Variants in GALNT10 observed in about 807,000 individuals in gnomAD.
GALNT10 encodes GalNAc transferase 10.
Under a neutral mutation model 75.0 loss-of-function variants are expected in GALNT10, and 41 were observed. The observed-to-expected ratio is 0.55, with a 90% CI of 0.43 to 0.71. The LOEUF (loss-of-function observed/expected upper bound fraction) is 0.71, where lower values mean the gene tolerates loss of function less well. Among genes scored for constraint, GALNT10 ranks in the 30% least tolerant of loss-of-function variants. The pLI is 0.00. For missense variants in GALNT10, 727 were observed against 818.5 expected, an observed-to-expected ratio of 0.89 and a Z score of 1.36; for synonymous variants, 302 against 313.0, an observed-to-expected ratio of 0.96 and a Z score of 0.37.
intron 1 of GALNT10, among the ~76,000 whole-genome samples, chr5:154,216,165 A>G (rs1057000247): frequency 2.4e-4 from 36 of 152,200 alleles, no homozygotes; most frequent in African/African-American, 8.7e-4. Context: ...AGCACTTTAC[A>G]AACTGTCTCT....
intron 7 of GALNT10, chr5:154,387,378 C>A (rs1755822746): frequency 6.6e-6 from 1 of 152,200 alleles, no homozygotes; most frequent in Non-Finnish European, 1.5e-5. Context: ...CTTCTAACAG[C>A]TTAGACCCCT....
rs1754249649 is a variant in GALNT10, at chr5:154,294,884, CAAG to C, written c.229_231del (p.Lys77del). 6 of 1,601,630 alleles carry C rather than the reference CAAG, an allele frequency of 3.7e-6. No homozygotes were observed. The highest frequency in any genetic ancestry group is 4.3e-6 in the Non-Finnish European group (5 of 1,168,582). On this transcript the variant is annotated inframe_deletion, in exon 2 of 12. Transcript: ENST00000297107. ...GGCAGAAGCTGAAGGACTGGCATGA[CAAG>C]GAGGCCATCCGGAGGGACGCTCAGC...
intron 4 of GALNT10, among the ~76,000 whole-genome samples, chr5:154,373,797 C>T (rs1755613620): frequency 6.6e-6 from 1 of 152,098 alleles, no homozygotes; most frequent in Admixed American, 6.5e-5. Flanking sequence ...TAAATAATTG[C>T]TCTGACTTTA....
At position 154,353,033 on chromosome 5, in the gene GALNT10, T is replaced by G. The variant is rs182883292; in HGVS notation, c.569-23244T>G. Among the ~76,000 whole-genome samples the G allele has an allele frequency of 1.1e-4, 17 of 152,204 alleles. No individual in the cohort carries two copies. In the East Asian group the frequency reaches 3.1e-3, roughly 28 times the overall value. On this transcript the variant is annotated intron_variant, in intron 4 of 11. Coordinates refer to ENST00000297107, the MANE Select transcript of GALNT10 (RefSeq NM_198321.4). ...CTCTGATAACTGCCCACTCCCCAAG[T>G]CCAGAAGAGTTTGCAGTCCAGGGCA... is the stretch of plus-strand genomic sequence containing the variant.
chr5:154,361,706 C>G (rs1418689221), intron 4 of GALNT10, among the ~76,000 whole-genome samples: 1 of 152,196 alleles, frequency 6.6e-6, no homozygotes, highest in Non-Finnish European at 1.5e-5. Context: ...TTAAAAGAGG[C>G]CATCTAGACA....
chr5:154,267,690 A>G (rs937454063), intron 1 of GALNT10, among the ~76,000 whole-genome samples: 3 of 152,126 alleles, frequency 2.0e-5, no homozygotes, highest in African/African-American at 7.2e-5. Context: ...AGACCAAATC[A>G]TTGCTAAGAG....
chr5:154,378,029 T>C (rs906033382), intron 5 of GALNT10, among the ~76,000 whole-genome samples: 2 of 152,206 alleles, frequency 1.3e-5, no homozygotes, highest in Non-Finnish European at 2.9e-5. Flanking sequence ...TGAGGGCAGT[T>C]TTCATAATCT....
At chr5:154,225,256 C>T (rs947666832) in intron 1 of GALNT10, among the ~76,000 whole-genome samples, 3 of 151,938 alleles carry the variant, frequency 2.0e-5, no homozygotes, top group Non-Finnish European at 2.9e-5. Flanking sequence ...CCATGCCCGG[C>T]TAATTTTTTG....
At chr5:154,328,900 TGTG>T (rs1369215592) in intron 3 of GALNT10, among the ~76,000 whole-genome samples, 1 of 152,176 alleles carries the variant, frequency 6.6e-6, no homozygotes, top group East Asian at 1.9e-4. Flanking sequence ...CCTACATTCT[TGTG>T]GAGGCCTCAT....
chr5:154,264,458 A>G (rs2113027007), intron 1 of GALNT10, among the ~76,000 whole-genome samples: 1 of 152,264 alleles, frequency 6.6e-6, no homozygotes, highest in Non-Finnish European at 1.5e-5. Context: ...ATGCTGAAGT[A>G]CTCAGTGACC....
intron 3 of GALNT10, among the ~76,000 whole-genome samples, chr5:154,322,537 G>T (rs148237935): frequency 1.3e-3 from 202 of 152,126 alleles, no homozygotes; most frequent in African/African-American, 4.6e-3. Context: ...GCTACATAAG[G>T]TACACATGTT....
chr5:154,232,616 G>A (rs1254608072), intron 1 of GALNT10, among the ~76,000 whole-genome samples: 2 of 152,210 alleles, frequency 1.3e-5, no homozygotes, highest in Non-Finnish European at 1.5e-5. Flanking sequence ...ATGAGGGTCA[G>A]GTTGTGATCC....
intron 1 of GALNT10, among the ~76,000 whole-genome samples, chr5:154,226,038 A>G (rs959875174): frequency 2.0e-5 from 3 of 152,108 alleles, no homozygotes; most frequent in Non-Finnish European, 2.9e-5. Context: ...ATGTTAAATG[A>G]CGAGTTAATG....
At chr5:154,209,134 C>T (rs1248721888) in intron 1 of GALNT10, among the ~76,000 whole-genome samples, 3 of 152,170 alleles carry the variant, frequency 2.0e-5, no homozygotes, top group African/African-American at 4.8e-5. Context: ...TGCTGCACAC[C>T]GCAGGAGCTA....
chr5:154,352,736 G>A lies in GALNT10; in HGVS notation c.568+22998G>A, dbSNP rs1368377668. Among the ~76,000 whole-genome samples the A allele has an allele frequency of 6.6e-6, 1 of 152,184 alleles. No homozygotes were observed. The highest frequency in any genetic ancestry group is 1.5e-5 in the Non-Finnish European group (1 of 68,038). ...TCAGCTGCATGTTTGTTCATGCAGA[G>A]GCCCATTTAGTAGTGTGTGATGCTA... On this transcript the variant is annotated intron_variant, in intron 4 of 11. Coordinates refer to ENST00000297107, the MANE Select transcript of GALNT10 (RefSeq NM_198321.4). The surrounding 1 kb of genome is among the most constrained non-coding windows in gnomAD (Gnocchi z 4.4).
chr5:154,326,585 G>A (rs1437792043), intron 3 of GALNT10, among the ~76,000 whole-genome samples: 1 of 152,218 alleles, frequency 6.6e-6, no homozygotes, highest in Non-Finnish European at 1.5e-5. Context: ...ATGAAGCATT[G>A]ATGCATGCTA....
At chr5:154,218,864 G>A (rs911363952) in intron 1 of GALNT10, among the ~76,000 whole-genome samples, 1 of 151,996 alleles carries the variant, frequency 6.6e-6, no homozygotes, top group Non-Finnish European at 1.5e-5. Context: ...AGTGCTGTTC[G>A]CCACACTGGC....
chr5:154,328,084 A>AG (rs1754783579), intron 3 of GALNT10, among the ~76,000 whole-genome samples: 1 of 19,782 alleles, frequency 5.1e-5, no homozygotes, highest in Non-Finnish European at 1.5e-4. Flanking sequence ...ATCGAAGGGG[A>AG]AAAAAAAAAA....
At chr5:154,268,749 T>C (rs1381365456) in intron 1 of GALNT10, among the ~76,000 whole-genome samples, 1 of 152,218 alleles carries the variant, frequency 6.6e-6, no homozygotes, top group Non-Finnish European at 1.5e-5. Context: ...AAGTTTAAAT[T>C]ATACTCTGGT....
Sources: gnomAD v4.1 joint callset for allele counts (sites outside exome capture counted in the v4.1 genomes callset) on GRCh38, gnomAD v4.1.1 for gene constraint, Gnocchi (gnomAD v3.1) non-coding constraint, MANE v1.5 for transcripts, NCBI Gene and HGNC (gene_info 2026-07-23, HGNC 2026-07-21) for gene names.